The following PPFIA2 variants were observed in gnomAD, a reference collection of about 807,000 sequenced individuals.
The protein encoded by PPFIA2 is liprin-alpha-2.
PPFIA2 carries 46 observed loss-of-function variants against 175.5 expected under a neutral mutation model. That is an observed-to-expected ratio of 0.26 (90% confidence interval 0.21 to 0.34). The LOEUF (loss-of-function observed/expected upper bound fraction) is 0.34, where lower values mean the gene tolerates loss of function less well. Ranked by LOEUF, PPFIA2 falls within the 10% of genes least tolerant of loss-of-function variation. The pLI is 1.00. For missense variants in PPFIA2, 1,179 were observed against 1,506.1 expected, an observed-to-expected ratio of 0.78 and a Z score of 3.60; for synonymous variants, 568 against 511.4, an observed-to-expected ratio of 1.11 and a Z score of -1.49.
intron 9 of PPFIA2, among the ~76,000 whole-genome samples, chr12:81,378,770 C>T (rs777565354): frequency 4.6e-5 from 7 of 152,144 alleles, no homozygotes; most frequent in African/African-American, 9.7e-5. Context: ...TTCTCAAGAA[C>T]GTGAGCACTG....
At chr12:81,529,186 A>G (rs1289682178) in intron 4 of PPFIA2, among the ~76,000 whole-genome samples, 6 of 152,030 alleles carry the variant, frequency 3.9e-5, no homozygotes, top group Admixed American at 2.6e-4. Flanking sequence ...AATTATTCTT[A>G]TTTTAATGGA....
At chr12:81,464,012 T>A (rs2055127073) in intron 4 of PPFIA2, among the ~76,000 whole-genome samples, 1 of 152,138 alleles carries the variant, frequency 6.6e-6, no homozygotes, top group Non-Finnish European at 1.5e-5. Context: ...TTTCAGCTAA[T>A]ATTCCCAGTT....
chr12:81,403,797 A>G (rs2042454447), intron 8 of PPFIA2, among the ~76,000 whole-genome samples: 2 of 152,144 alleles, frequency 1.3e-5, no homozygotes, highest in South Asian at 4.1e-4. Context: ...CTGACAGGCC[A>G]CCGTGCATGC....
chr12:81,642,066 G>A (rs2065034303), intron 4 of PPFIA2, among the ~76,000 whole-genome samples: 1 of 151,968 alleles, frequency 6.6e-6, no homozygotes. Context: ...TAATGGAGAT[G>A]ATTTCAATGA....
At chr12:81,294,278 C>T (rs187696626) in intron 24 of PPFIA2, among the ~76,000 whole-genome samples, 15 of 152,002 alleles carry the variant, frequency 9.9e-5, no homozygotes, top group African/African-American at 3.6e-4. Context: ...CACATGTACC[C>T]CCTGAATCTA....
chr12:81,722,183 T>C (rs2079445947), intron 3 of PPFIA2, among the ~76,000 whole-genome samples: 1 of 151,100 alleles, frequency 6.6e-6, no homozygotes, highest in South Asian at 2.1e-4. Flanking sequence ...GAGTATTCAA[T>C]GTGACTCATT....
chr12:81,757,701 A>C (rs1353147869), intron 2 of PPFIA2, among the ~76,000 whole-genome samples: 1 of 152,222 alleles, frequency 6.6e-6, no homozygotes, highest in Non-Finnish European at 1.5e-5. Context: ...AAGGGCTTTC[A>C]AGATCCAATG....
At chr12:81,603,907 T>G (rs891249246) in intron 4 of PPFIA2, among the ~76,000 whole-genome samples, 2 of 151,610 alleles carry the variant, frequency 1.3e-5, no homozygotes, top group South Asian at 4.1e-4. Flanking sequence ...TATTCGTTTA[T>G]TTATTTATTC....
intron 7 of PPFIA2, among the ~76,000 whole-genome samples, chr12:81,412,317 A>T (rs11114851): frequency 0.16 from 22,798 of 144,012 alleles, 2,531 homozygotes; most frequent in East Asian, 0.41. Flanking sequence ...TGTGTAGATT[A>T]CATTCTAGTT....
At chr12:81,498,054 C>A (rs555822821) in intron 4 of PPFIA2, among the ~76,000 whole-genome samples, 1 of 152,200 alleles carries the variant, frequency 6.6e-6, no homozygotes, top group Admixed American at 6.5e-5. Flanking sequence ...GGCTGCTGTT[C>A]TGCAAATTTA....
At chr12:81,635,667 G>C (rs903338758) in intron 4 of PPFIA2, among the ~76,000 whole-genome samples, 1 of 152,122 alleles carries the variant, frequency 6.6e-6, no homozygotes, top group African/African-American at 2.4e-5. Context: ...CTGTTAGCTG[G>C]AACAGCACCA....
intron 21 of PPFIA2, among the ~76,000 whole-genome samples, chr12:81,327,922 T>C (rs1459853459): frequency 6.6e-6 from 1 of 152,134 alleles, no homozygotes; most frequent in African/African-American, 2.4e-5. Context: ...AAGCATTTGA[T>C]AGATAACTGG....
chr12:81,670,787 C>T (rs550467129), intron 4 of PPFIA2, among the ~76,000 whole-genome samples: 1 of 152,070 alleles, frequency 6.6e-6, no homozygotes, highest in Admixed American at 6.6e-5. Context: ...CATCATGAAA[C>T]TGCTAATAAC....
chr12:81,416,245 G>A (rs1475769359), intron 7 of PPFIA2, among the ~76,000 whole-genome samples: 2 of 151,610 alleles, frequency 1.3e-5, no homozygotes, highest in East Asian at 3.9e-4. Context: ...TTTTTCAAAA[G>A]TGTTAGTGGT....
At chr12:81,482,329 G>T (rs1179147206) in intron 4 of PPFIA2, among the ~76,000 whole-genome samples, 4 of 152,212 alleles carry the variant, frequency 2.6e-5, no homozygotes, top group Non-Finnish European at 5.9e-5. Context: ...AGACAGTGTG[G>T]CAATTCCTCA....
At chr12:81,451,467 T>C (rs2052567125) in intron 5 of PPFIA2, among the ~76,000 whole-genome samples, 1 of 152,136 alleles carries the variant, frequency 6.6e-6, no homozygotes, top group African/African-American at 2.4e-5. Context: ...TTTCTGGGAC[T>C]GGGCTTGTGA....
intron 4 of PPFIA2, among the ~76,000 whole-genome samples, chr12:81,634,135 T>A (rs902327540): frequency 6.6e-6 from 1 of 152,136 alleles, no homozygotes; most frequent in Non-Finnish European, 1.5e-5. Context: ...TCCAGAAATG[T>A]CTGTAACATT....
intron 4 of PPFIA2, among the ~76,000 whole-genome samples, chr12:81,560,866 C>G (rs1447267395): frequency 2.6e-5 from 4 of 152,094 alleles, no homozygotes; most frequent in African/African-American, 9.7e-5. Context: ...AGAAATAAAT[C>G]TATCTGAAAA....
chr12:81,529,140 T>A (rs568183460), intron 4 of PPFIA2, among the ~76,000 whole-genome samples: 13 of 152,028 alleles, frequency 8.6e-5, no homozygotes, highest in Non-Finnish European at 1.9e-4. Context: ...AGAGTCAATG[T>A]GTCAGAGAAA....
Sources: gnomAD v4.1 joint callset for allele counts (sites outside exome capture counted in the v4.1 genomes callset) on GRCh38, gnomAD v4.1.1 for gene constraint, MANE v1.5 for transcripts, NCBI Gene and HGNC (gene_info 2026-07-23, HGNC 2026-07-21) for gene names.